KLHL29: variants seen among roughly 807,000 people sequenced by gnomAD.
KLHL29 encodes the protein kelch-like protein 29.
A neutral mutation model predicts 80.4 loss-of-function variants in KLHL29; 21 were observed. The ratio of observed to expected loss-of-function variants is 0.26; its 90% CI spans 0.19 to 0.38. The LOEUF is 0.38. Among genes scored for constraint, KLHL29 ranks in the 10% least tolerant of loss-of-function variants. The pLI, the probability that KLHL29 is intolerant of heterozygous loss-of-function variation, is 1.00. For synonymous variants in KLHL29, 511 were observed against 526.8 expected (o/e 0.97, Z 0.41); for missense variants, 867 against 1,223.9 (o/e 0.71, Z 4.35).
intron 1 of KLHL29, among the ~76,000 whole-genome samples, chr2:23,437,262 T>C (rs1244407405): frequency 6.6e-6 from 1 of 152,234 alleles, no homozygotes. Flanking sequence ...CAGAACCTCA[T>C]TTAGTTCCAT....
intron 3 of KLHL29, among the ~76,000 whole-genome samples, chr2:23,607,346 A>G (rs1464480212): frequency 2.0e-5 from 3 of 152,210 alleles, no homozygotes; most frequent in Admixed American, 2.0e-4. Context: ...CTGACCCCAG[A>G]GAAGAATCTC....
chr2:23,499,183 G>A (rs1665360346), intron 2 of KLHL29, among the ~76,000 whole-genome samples: 1 of 152,114 alleles, frequency 6.6e-6, no homozygotes, highest in Non-Finnish European at 1.5e-5. Flanking sequence ...CTGAAGCCAG[G>A]CCTGGGTACT....
chr2:23,675,882 A>G (rs746433902), intron 5 of KLHL29, among the ~76,000 whole-genome samples: 3 of 152,126 alleles, frequency 2.0e-5, no homozygotes, highest in Non-Finnish European at 2.9e-5. Context: ...AGTGGATCAC[A>G]TTTGGGGGAA....
chr2:23,704,173 C>T (rs894358963), intron 13 of KLHL29, among the ~76,000 whole-genome samples: 1 of 152,222 alleles, frequency 6.6e-6, no homozygotes, highest in Admixed American at 6.5e-5. Flanking sequence ...CCCAGGACCA[C>T]CTGCCCCATC....
At chr2:23,405,216 ATT>A (rs1666694979) in intron 1 of KLHL29, among the ~76,000 whole-genome samples, 1 of 152,238 alleles carries the variant, frequency 6.6e-6, no homozygotes. Context: ...TATTGTTTGG[ATT>A]ATAAAGGTAA....
intron 3 of KLHL29, among the ~76,000 whole-genome samples, chr2:23,606,084 T>C (rs1462890656): frequency 6.6e-6 from 1 of 151,964 alleles, no homozygotes; most frequent in Non-Finnish European, 1.5e-5. Context: ...AAAACCTGTC[T>C]TAAAGGACAA....
intron 1 of KLHL29, among the ~76,000 whole-genome samples, chr2:23,413,631 C>T (rs1282926878): frequency 1.3e-5 from 2 of 152,208 alleles, no homozygotes; most frequent in African/African-American, 2.4e-5. Flanking sequence ...ACCTGCTCCC[C>T]ACCTTGAAAG....
At chr2:23,492,994 C>T (rs879529367) in intron 2 of KLHL29, among the ~76,000 whole-genome samples, 6 of 152,348 alleles carry the variant, frequency 3.9e-5, no homozygotes, top group Admixed American at 1.3e-4. Flanking sequence ...TTTCATCTCT[C>T]CCTCATCTGC....
chr2:23,586,016 A>G (rs1668109323), intron 3 of KLHL29, among the ~76,000 whole-genome samples: 1 of 152,120 alleles, frequency 6.6e-6, no homozygotes, highest in Non-Finnish European at 1.5e-5. Flanking sequence ...CCTAGCCTGG[A>G]GCCAGGACTA....
At position 23,391,583 on chromosome 2, in the gene KLHL29, G is replaced by A. The variant is rs114168070; in HGVS notation, c.-154+5803G>A. 1.4e-3 allele frequency among the ~76,000 whole-genome samples: 215 copies of A among 152,198 alleles called. 2 individuals are homozygous for A. The highest frequency in any genetic ancestry group is 2.4e-3 in the Non-Finnish European group (162 of 67,996). ...CCTGAGTAGCTGGGATTACAGGCAC[G>A]TGCCACTATACCCGGCTGATTTTGT... On this transcript the variant is annotated intron_variant, in intron 1 of 13. Transcript: ENST00000486442.
At chr2:23,463,974 T>C (rs957510972) in intron 1 of KLHL29, among the ~76,000 whole-genome samples, 1 of 152,212 alleles carries the variant, frequency 6.6e-6, no homozygotes, top group Non-Finnish European at 1.5e-5. Context: ...CACTATGTAT[T>C]GTGCTGTTAC....
chr2:23,691,916 T>C (rs1671636224), intron 7 of KLHL29, 40 bp downstream of exon 7: 1 of 1,529,780 alleles, frequency 6.5e-7, no homozygotes, highest in Non-Finnish European at 8.8e-7. Flanking sequence ...GGGGGAAGAG[T>C]GCAGATGGGC....
chr2:23,455,744 G>A (rs749694225), intron 1 of KLHL29, among the ~76,000 whole-genome samples: 10 of 151,484 alleles, frequency 6.6e-5, no homozygotes, highest in Non-Finnish European at 1.5e-4. Context: ...CCCGAGTAGA[G>A]TCTCCTGATT....
chr2:23,505,527 G>A (rs1362133553), intron 2 of KLHL29, among the ~76,000 whole-genome samples: 5 of 152,168 alleles, frequency 3.3e-5, no homozygotes, highest in Non-Finnish European at 5.9e-5. Flanking sequence ...CTCTTAAGGT[G>A]GACTCTGGTT....
Position 23,639,295 on chromosome 2 carries a change from G to A in KLHL29, c.427+15G>A, listed in dbSNP as rs769358921. ...TGACAATCCAGGTACGTACCTCATC[G>A]GCAGATAGAAACGACTGAGCCCAGG... On this transcript the variant is annotated intron_variant, in intron 4 of 13. Coordinates refer to ENST00000486442, the MANE Select transcript of KLHL29 (RefSeq NM_052920.2). The A allele has an allele frequency of 1.7e-5, 27 of 1,543,414 alleles. No homozygotes were observed. The highest frequency in any genetic ancestry group is 2.8e-5 in the African/African-American group (2 of 72,626).
chr2:23,696,078 C>A lies in KLHL29; in HGVS notation c.1869C>A (p.Phe623Leu). Reference sequence around the variant, plus strand: ...GGTACCCCTTGGCCTCGCTGCCCTTCTATGACCGCGAGTTCTTCAGTGTAG... The same window carrying A: ...GGTACCCCTTGGCCTCGCTGCCCTTATATGACCGCGAGTTCTTCAGTGTAG... ...NKWYPLASLP[F>L]YDREFFSVVS... is the part of the protein sequence containing the mutation. The change falls in exon 10 of 14, where the codon TTC becomes TTA. Residue 623 changes from phenylalanine (F) to leucine (L), a missense_variant. By Grantham distance (22) the Phe-to-Leu change is conservative. Around this residue, in one of 2 missense-constraint regions of KLHL29, gnomAD observed 443 missense variants for 767.0 expected, o/e 0.58. Transcript: ENST00000486442. The surrounding 1 kb of genome is among the most constrained non-coding windows in gnomAD (Gnocchi z 5.5). 6.4e-7 allele frequency: 1 copy of A among 1,551,846 alleles called. No homozygotes were observed. The highest frequency in any genetic ancestry group is 8.7e-7 in the Non-Finnish European group (1 of 1,147,022).
At chr2:23,425,576 C>A (rs907609234) in intron 1 of KLHL29, among the ~76,000 whole-genome samples, 1 of 152,160 alleles carries the variant, frequency 6.6e-6, no homozygotes, top group South Asian at 2.1e-4. Flanking sequence ...CCCCTGCCTG[C>A]GTCCTACCCT....
chr2:23,653,742 G>T (rs931102590), intron 5 of KLHL29, among the ~76,000 whole-genome samples: 3 of 152,182 alleles, frequency 2.0e-5, no homozygotes, highest in African/African-American at 7.2e-5. Flanking sequence ...ATGGTCAGGG[G>T]CTTCTCTGGA....
chr2:23,519,200 G>C (rs930906494), intron 2 of KLHL29, among the ~76,000 whole-genome samples: 1 of 152,134 alleles, frequency 6.6e-6, no homozygotes, highest in African/African-American at 2.4e-5. Flanking sequence ...AACTGACACT[G>C]ACCCTCCGCT....
Sources: gnomAD v4.1 joint callset for allele counts (sites outside exome capture counted in the v4.1 genomes callset) on GRCh38, gnomAD v4.1.1 for gene constraint, gnomAD v4.1.1 regional missense constraint, Gnocchi (gnomAD v3.1) non-coding constraint, MANE v1.5 for transcripts, NCBI Gene and HGNC (gene_info 2026-07-23, HGNC 2026-07-21) for gene names.